The following CPB1 variants were observed in gnomAD, a reference collection of about 807,000 sequenced individuals.
CPB1 encodes the protein carboxypeptidase B1.
In CPB1, 53 loss-of-function variants were observed where a neutral mutation model predicts 51.4. The ratio of observed to expected loss-of-function variants is 1.03; its 90% confidence interval spans 0.83 to 1.30. The LOEUF (loss-of-function observed/expected upper bound fraction) is 1.30. Ranked by LOEUF, CPB1 falls within the 50% of genes most tolerant of loss-of-function variation. The pLI is 0.00. For synonymous variants in CPB1, 189 were observed against 186.9 expected, an observed-to-expected ratio of 1.01 and a Z score of -0.09; for missense variants, 494 against 516.2, an observed-to-expected ratio of 0.96 and a Z score of 0.42.
At chr3:148,853,106 T>A (rs1713479681) in intron 9 of CPB1, among the ~76,000 whole-genome samples, 1 of 152,234 alleles carries the variant, frequency 6.6e-6, no homozygotes, top group African/African-American at 2.4e-5. Context: ...TTGATGTTTC[T>A]CTTATCACAA....
intron 2 of CPB1, among the ~76,000 whole-genome samples, chr3:148,830,994 C>G (rs1404920320): frequency 6.6e-6 from 1 of 152,164 alleles, no homozygotes; most frequent in East Asian, 1.9e-4. Flanking sequence ...GGCATCCAGT[C>G]TTTGTATTCA....
intron 3 of CPB1, among the ~76,000 whole-genome samples, chr3:148,838,992 A>ATAACCTAATCCC (rs6148125): frequency 6.6e-6 from 1 of 151,772 alleles, no homozygotes; most frequent in Non-Finnish European, 1.5e-5. Context: ...AAAAAACTCT[A>ATAACCTAATCCC]CAGAACATGT....
At chr3:148,827,966 T>G (rs769160991) in intron 1 of CPB1, 36 bp from the exon 2 acceptor site, 8 of 1,612,924 alleles carry the variant, frequency 5.0e-6, no homozygotes, top group Non-Finnish European at 5.1e-6. Flanking sequence ...ATTACTCATT[T>G]CCAATTCTCT....
Position 148,857,504 on chromosome 3 carries a change from C to T in CPB1, c.1029C>T (p.Gly343=), listed in dbSNP as rs1235902207. 6.2e-7 allele frequency: 1 copy of T among 1,613,844 alleles called. No individual in the cohort carries two copies. The highest frequency in any genetic ancestry group is 1.3e-5 in the African/African-American group (1 of 74,894). ...TGAAAGAACTTGCCTCACTGCACGG[C>T]ACCAAGTACACATATGGCCCGGGAG... ...ATVKELASLH[G]TKYTYGPGAT... Residue 343 remains glycine, a synonymous_variant, in exon 10 of 11, where the codon GGC becomes GGT. Coordinates refer to ENST00000282957, the MANE Select transcript of CPB1 (RefSeq NM_001871.3).
At chr3:148,838,338 T>G (rs2108013596) in intron 3 of CPB1, 1 of 151,310 alleles carries the variant, frequency 6.6e-6, no homozygotes, top group South Asian at 2.1e-4. Flanking sequence ...CTGGAAGCTT[T>G]GAAATGAAAG....
At chr3:148,853,494 T>G (rs911151363) in intron 9 of CPB1, among the ~76,000 whole-genome samples, 1 of 152,224 alleles carries the variant, frequency 6.6e-6, no homozygotes, top group Admixed American at 6.5e-5. Flanking sequence ...AGATGTGACA[T>G]TTTAGACTCT....
chr3:148,847,563 C>G (rs957251497), intron 9 of CPB1, among the ~76,000 whole-genome samples: 1 of 152,048 alleles, frequency 6.6e-6, no homozygotes, highest in African/African-American at 2.4e-5. Context: ...GTCACTGATA[C>G]TCTTCCCTAA....
In CPB1 at chr3:148,828,066, A is replaced by G. The variant is rs919803241; in HGVS notation, c.136A>G (p.Ser46Gly). ...CATTAACATAATCCGCGAGTTGGCCAGCACGACCCAGGTAAGTAACAATTT... is the reference window on the plus strand; with the variant it reads ...CATTAACATAATCCGCGAGTTGGCCGGCACGACCCAGGTAAGTAACAATTT... ...NHINIIRELA[S>G]TTQIDFWKPD... Residue 46 changes from serine (S) to glycine (G), a missense_variant, in exon 2 of 11, where the codon AGC (serine) becomes GGC (glycine). Transcript: ENST00000282957. 6.2e-6 allele frequency: 10 copies of G among 1,613,858 alleles called. No individual in the cohort carries two copies. Among genetic ancestry groups the G allele is most frequent in the Admixed American group, 1.7e-5 (1 of 59,998 alleles).
rs759210795 is a variant in CPB1 at position 148,844,484 on chromosome 3, C to T, written c.583C>T (p.Arg195Cys). The change falls in exon 7 of 11, where the codon CGT becomes TGT. Residue 195 changes from arginine to cysteine, a missense_variant. Arg to Cys is a radical substitution (Grantham distance 180). Transcript: ENST00000282957. Reference sequence around the variant, plus strand: ...CTTCATAATTCACATACAGGCTGTTCGTACCTATGGACGTGAGATCCAAGT... The same window carrying T: ...CTTCATAATTCACATACAGGCTGTTTGTACCTATGGACGTGAGATCCAAGT... ...FCQWFVREAV[R>C]TYGREIQVTE... 7.4e-6 allele frequency: 12 copies of T among 1,612,028 alleles called. No individual in the cohort carries two copies. The highest frequency in any genetic ancestry group is 2.2e-5 in the East Asian group (1 of 44,874).
At chr3:148,859,467 A>G (rs1713687516) in intron 10 of CPB1, among the ~76,000 whole-genome samples, 1 of 152,220 alleles carries the variant, frequency 6.6e-6, no homozygotes, top group African/African-American at 2.4e-5. Context: ...CCTCTTGCCA[A>G]TCATCATACG....
At chr3:148,830,469 T>C (rs932158288) in intron 2 of CPB1, among the ~76,000 whole-genome samples, 1 of 152,088 alleles carries the variant, frequency 6.6e-6, no homozygotes, top group Non-Finnish European at 1.5e-5. Context: ...GATAATACTA[T>C]TTACATAGGA....
chr3:148,850,565 G>C (rs558943711), intron 9 of CPB1, among the ~76,000 whole-genome samples: 114 of 152,316 alleles, frequency 7.5e-4, no homozygotes, highest in East Asian at 1.2e-3. Context: ...GCCTCCCGAA[G>C]TGCTGGGAGC....
intron 3 of CPB1, among the ~76,000 whole-genome samples, chr3:148,838,958 A>G (rs1712993342): frequency 6.6e-6 from 1 of 152,120 alleles, no homozygotes; most frequent in South Asian, 2.1e-4. Context: ...GTTCCTAACT[A>G]TAAGAGACAG....
chr3:148,831,356 T>C (rs898389191), intron 2 of CPB1, among the ~76,000 whole-genome samples: 47 of 152,290 alleles, frequency 3.1e-4, no homozygotes, highest in Admixed American at 9.2e-4. Context: ...AATTGGGCCT[T>C]GAGTAGAAGT....
chr3:148,833,852 C>T (rs1712813723), intron 2 of CPB1, among the ~76,000 whole-genome samples: 1 of 152,042 alleles, frequency 6.6e-6, no homozygotes, highest in Non-Finnish European at 1.5e-5. Context: ...AGACACAGAG[C>T]CTAGCATATC....
intron 8 of CPB1, 73 bp from the exon 9 acceptor site, chr3:148,845,351 T>C: frequency 7.2e-7 from 1 of 1,393,272 alleles, no homozygotes; most frequent in Non-Finnish European, 1.0e-6. Flanking sequence ...AACTCCCTAA[T>C]TTGAAAGTTT....
At chr3:148,855,522 C>T (rs1396800014) in intron 9 of CPB1, 2 of 152,140 alleles carry the variant, frequency 1.3e-5, no homozygotes, top group African/African-American at 2.4e-5. Context: ...GATAACAGAT[C>T]ACAAGTAGCC....
In CPB1 at chr3:148,840,666, C is replaced by T. The variant is rs746685077; in HGVS notation, c.273-20C>T. On this transcript the variant is annotated intron_variant, in intron 3 of 10. Coordinates refer to ENST00000282957, the MANE Select transcript of CPB1 (RefSeq NM_001871.3). ...AAATACACTTATGTTCATAGGAACA[C>T]CCACTTTGGTTCGTTGCAGGGTACT... 4 of 1,609,334 alleles carry T rather than the reference C, an allele frequency of 2.5e-6. No individual in the cohort carries two copies. The highest frequency in any genetic ancestry group is 1.3e-5 in the African/African-American group (1 of 74,958).
chr3:148,859,920 A>C lies in CPB1; in HGVS notation c.1172A>C (p.Glu391Ala). The change falls in exon 11 of 11, where the codon GAA (glutamate) becomes GCA (alanine). Residue 391 changes from glutamate to alanine, a missense_variant. Transcript: ENST00000282957. Reference sequence around the variant, plus strand: ...GGCAGATATGGCTTTCTCCTTCCAGAATCCCAGATCCGGGCTACCTGCGAG... The same window carrying C: ...GGCAGATATGGCTTTCTCCTTCCAGCATCCCAGATCCGGGCTACCTGCGAG... ...DTGRYGFLLP[E>A]SQIRATCEET... 1 of 1,614,124 alleles carries C rather than the reference A, an allele frequency of 6.2e-7. No individual in the cohort carries two copies. The highest frequency in any genetic ancestry group is 8.5e-7 in the Non-Finnish European group (1 of 1,180,012).
Sources: gnomAD v4.1 joint callset for allele counts (sites outside exome capture counted in the v4.1 genomes callset) on GRCh38, gnomAD v4.1.1 for gene constraint, MANE v1.5 for transcripts, NCBI Gene and HGNC (gene_info 2026-07-23, HGNC 2026-07-21) for gene names.